Variants in FAM13A observed in about 807,000 individuals in gnomAD.
FAM13A encodes family with sequence similarity 13 member A.
FAM13A carries 76 observed loss-of-function variants against 129.6 expected under a neutral mutation model. The ratio of observed to expected loss-of-function variants is 0.59; its 90% confidence interval spans 0.49 to 0.71. FAM13A has a LOEUF of 0.71. Ranked by LOEUF, FAM13A falls within the 30% of genes least tolerant of loss-of-function variation. FAM13A has a pLI of 0.00. For synonymous variants in FAM13A, 443 were observed against 449.9 expected (o/e 0.98, Z 0.20); for missense variants, 1,108 against 1,249.3 (o/e 0.89, Z 1.70).
chr4:88,895,828 T>C (rs1746199969), intron 6 of FAM13A, among the ~76,000 whole-genome samples: 1 of 125,984 alleles, frequency 7.9e-6, no homozygotes, highest in African/African-American at 3.1e-5. Flanking sequence ...GGTGGGACTG[T>C]AAACTAGTTC....
At chr4:88,804,190 T>C (rs1728098164) in intron 8 of FAM13A, among the ~76,000 whole-genome samples, 1 of 151,308 alleles carries the variant, frequency 6.6e-6, no homozygotes, top group Non-Finnish European at 1.5e-5. Flanking sequence ...GAGGCGGAGG[T>C]TGCAGTGAGT....
chr4:88,732,487 G>A (rs576961724), intron 21 of FAM13A: 12 of 246,424 alleles, frequency 4.9e-5, no homozygotes, highest in African/African-American at 2.7e-4. Flanking sequence ...GGGTAAGAAG[G>A]AACAACCATC....
chr4:88,852,425 G>C (rs1003607568), intron 6 of FAM13A, among the ~76,000 whole-genome samples: 3 of 152,154 alleles, frequency 2.0e-5, no homozygotes, highest in African/African-American at 7.2e-5. Context: ...GCCTCCCAAA[G>C]TGCTGGGATT....
At chr4:88,942,763 T>G (rs996124236) in intron 4 of FAM13A, among the ~76,000 whole-genome samples, 8 of 152,032 alleles carry the variant, frequency 5.3e-5, no homozygotes, top group Admixed American at 1.3e-4. Flanking sequence ...CTACTAACTC[T>G]CCGAATTGCC....
At chr4:89,028,206 CA>C (rs35426702) in intron 2 of FAM13A, among the ~76,000 whole-genome samples, 14,017 of 78,498 alleles carry the variant, frequency 0.18, 540 homozygotes, top group African/African-American at 0.24. Flanking sequence ...ACCTCCGTCT[CA>C]AAAAAAAAAA....
chr4:88,967,364 T>C (rs1428559639), intron 4 of FAM13A, among the ~76,000 whole-genome samples: 1 of 152,220 alleles, frequency 6.6e-6, no homozygotes, highest in African/African-American at 2.4e-5. Context: ...TAATCTCATT[T>C]CCCTACACAA....
intron 6 of FAM13A, chr4:88,855,507 T>C (rs1738335631): frequency 6.6e-6 from 1 of 152,106 alleles, no homozygotes; most frequent in Non-Finnish European, 1.5e-5. Flanking sequence ...GTAAAGTACT[T>C]TTTATGAGAT....
chr4:88,736,228 A>G (rs368662835), intron 21 of FAM13A: 1 of 152,216 alleles, frequency 6.6e-6, no homozygotes, highest in African/African-American at 2.4e-5. Flanking sequence ...ATTTTCATAA[A>G]ACAAGTTCTA....
chr4:88,945,822 ATAC>A (rs952534629), intron 4 of FAM13A, among the ~76,000 whole-genome samples: 10 of 143,004 alleles, frequency 7.0e-5, no homozygotes, highest in African/African-American at 2.6e-4. Context: ...ATATATATAT[ATAC>A]TACATATTCT....
At chr4:88,830,951 A>G (rs1442737305) in intron 7 of FAM13A, among the ~76,000 whole-genome samples, 2 of 152,162 alleles carry the variant, frequency 1.3e-5, no homozygotes, top group African/African-American at 4.8e-5. Context: ...TGGTACATGA[A>G]GTAGCAAAGT....
At chr4:88,893,414 T>A (rs966556685) in intron 6 of FAM13A, among the ~76,000 whole-genome samples, 1 of 152,102 alleles carries the variant, frequency 6.6e-6, no homozygotes, top group Non-Finnish European at 1.5e-5. Flanking sequence ...CACGAGGTCA[T>A]GAGATTGAGA....
At chr4:88,971,456 G>C (rs900683100) in intron 4 of FAM13A, among the ~76,000 whole-genome samples, 23 of 152,080 alleles carry the variant, frequency 1.5e-4, no homozygotes, top group African/African-American at 5.3e-4. Context: ...TGTTCTGAAA[G>C]ACTGGGACTT....
At chr4:88,865,850 T>C (rs886971794) in intron 6 of FAM13A, among the ~76,000 whole-genome samples, 2 of 151,838 alleles carry the variant, frequency 1.3e-5, no homozygotes, top group African/African-American at 4.8e-5. Context: ...CATCATTCAT[T>C]TCTTTCAACT....
intron 16 of FAM13A, 50 bp from the exon 17 acceptor site, chr4:88,749,083 G>A (rs1282436596): frequency 7.6e-7 from 1 of 1,320,448 alleles, no homozygotes; most frequent in Non-Finnish European, 1.1e-6. Flanking sequence ...AGCAGGGAAA[G>A]TAAGAAGTGT....
At chr4:89,014,755 C>T (rs980748290) in intron 3 of FAM13A, among the ~76,000 whole-genome samples, 1 of 152,146 alleles carries the variant, frequency 6.6e-6, no homozygotes, top group Non-Finnish European at 1.5e-5. Context: ...CTGTCATCTT[C>T]ATAAGCTGAG....
chr4:88,749,730 G>C, intron 16 of FAM13A, 41 bp downstream of exon 16: 1 of 1,603,628 alleles, frequency 6.2e-7, no homozygotes, highest in East Asian at 2.2e-5. Context: ...CATGTCCAGG[G>C]AGAGGATGAG....
At chr4:89,005,785 A>T (rs893652559) in intron 3 of FAM13A, among the ~76,000 whole-genome samples, 2 of 148,534 alleles carry the variant, frequency 1.3e-5, no homozygotes, top group Non-Finnish European at 3.0e-5. Flanking sequence ...AAATTTGTTT[A>T]GCTTCCTTAT....
chr4:89,029,468 G>T lies in FAM13A; in HGVS notation c.209C>A (p.Thr70Lys). ...AGCATGACTTAACTCACCATGCTGC[G>T]TCAAATATTCCACTATATTCCACAC... ...AVVWNIVEYL[T>K]QHGLTQEGLF... Residue 70 changes from threonine (T) to lysine (K), a missense_variant, in exon 2 of 24, where the codon ACG becomes AAG. Thr to Lys is a moderately conservative substitution (Grantham distance 78). Transcript: ENST00000264344. 1 of 1,596,324 alleles carries T rather than the reference G, an allele frequency of 6.3e-7. No individual in the cohort carries two copies. The highest frequency in any genetic ancestry group is 8.5e-7 in the Non-Finnish European group (1 of 1,175,148).
intron 3 of FAM13A, among the ~76,000 whole-genome samples, chr4:89,019,789 C>A (rs1000488175): frequency 6.3e-5 from 9 of 143,736 alleles, no homozygotes; most frequent in Admixed American, 1.4e-4. Flanking sequence ...AAAGCAAGTT[C>A]TTTCATATGA....
Sources: gnomAD v4.1 joint callset for allele counts (sites outside exome capture counted in the v4.1 genomes callset) on GRCh38, gnomAD v4.1.1 for gene constraint, MANE v1.5 for transcripts, NCBI Gene and HGNC (gene_info 2026-07-23, HGNC 2026-07-21) for gene names.